The following STIM2 variants were observed in gnomAD, a reference collection of about 807,000 sequenced individuals.
STIM2 encodes the protein stromal interaction molecule 2.
Under a neutral mutation model 85.8 loss-of-function variants are expected in STIM2, and 31 were observed. The ratio of observed to expected loss-of-function variants is 0.36; its 90% CI spans 0.27 to 0.49. The LOEUF is 0.49. STIM2 is among the 20% of genes least tolerant of loss of function. The pLI is 0.98. For synonymous variants in STIM2, 356 were observed against 331.1 expected, an observed-to-expected ratio of 1.08 and a Z score of -0.82; for missense variants, 841 against 927.6, an observed-to-expected ratio of 0.91 and a Z score of 1.21.
chr4:26,954,796 C>T (rs904098784), intron 2 of STIM2, among the ~76,000 whole-genome samples: 1 of 147,924 alleles, frequency 6.8e-6, no homozygotes, highest in South Asian at 2.1e-4. Flanking sequence ...TTTCTAGTCA[C>T]ATTCCGTGAT....
chr4:26,987,621 G>A (rs1425097403), intron 3 of STIM2, among the ~76,000 whole-genome samples: 2 of 152,090 alleles, frequency 1.3e-5, no homozygotes, highest in Admixed American at 6.5e-5. Context: ...TTGAAATGTT[G>A]CCTTTCGAGC....
intron 11 of STIM2, chr4:27,020,912 G>T (rs1728886644): frequency 8.2e-7 from 1 of 1,224,110 alleles, no homozygotes; most frequent in African/African-American, 1.5e-5. Flanking sequence ...CTTCAGCTCT[G>T]TTCCCTTCTC....
intron 2 of STIM2, among the ~76,000 whole-genome samples, chr4:26,950,893 T>C (rs2109088406): frequency 6.6e-6 from 1 of 152,174 alleles, no homozygotes; most frequent in Admixed American, 6.5e-5. Context: ...CATTAGAAGC[T>C]TTCATAGGTT....
At chr4:27,019,454 T>C (rs1237012870) in intron 11 of STIM2, 1 of 1,289,816 alleles carries the variant, frequency 7.8e-7, no homozygotes, top group Admixed American at 2.3e-5. Flanking sequence ...TCTTGTGTGG[T>C]TTCTGGAAAT....
chr4:26,909,402 A>G (rs185510477), intron 1 of STIM2, among the ~76,000 whole-genome samples: 3 of 152,354 alleles, frequency 2.0e-5, no homozygotes, highest in Admixed American at 6.5e-5. Flanking sequence ...TTATATAGTA[A>G]GTGGCAGGGT....
intron 1 of STIM2, among the ~76,000 whole-genome samples, chr4:26,909,343 A>G (rs901102847): frequency 2.6e-5 from 4 of 152,232 alleles, no homozygotes; most frequent in African/African-American, 9.6e-5. Flanking sequence ...TATTATTTCC[A>G]TTCTACAGGT....
At chr4:26,941,734 G>T (rs1246702246) in intron 2 of STIM2, among the ~76,000 whole-genome samples, 2 of 151,448 alleles carry the variant, frequency 1.3e-5, no homozygotes, top group African/African-American at 4.9e-5. Flanking sequence ...ACCTTTTAAA[G>T]GTAAGTATCT....
intron 2 of STIM2, among the ~76,000 whole-genome samples, chr4:26,935,631 G>C (rs1725364965): frequency 6.6e-6 from 1 of 152,142 alleles, no homozygotes; most frequent in African/African-American, 2.4e-5. Flanking sequence ...CTTGGGGATG[G>C]GACCTAGCAA....
chr4:26,972,989 A>G (rs963392997), intron 3 of STIM2, among the ~76,000 whole-genome samples: 2 of 152,172 alleles, frequency 1.3e-5, no homozygotes, highest in Non-Finnish European at 2.9e-5. Flanking sequence ...GCATCCAGGA[A>G]TTTATCCATT....
intron 1 of STIM2, among the ~76,000 whole-genome samples, chr4:26,904,921 A>G (rs1412757359): frequency 1.3e-5 from 2 of 152,160 alleles, no homozygotes; most frequent in Non-Finnish European, 2.9e-5. Flanking sequence ...ATTGACATAT[A>G]GAAACTTGGA....
chr4:26,930,133 A>T (rs1192504205), intron 2 of STIM2, among the ~76,000 whole-genome samples: 1 of 152,148 alleles, frequency 6.6e-6, no homozygotes, highest in Non-Finnish European at 1.5e-5. Flanking sequence ...AGAATCTGTG[A>T]TCTGTTAAGA....
In STIM2 at chr4:26,992,892, G is replaced by A. The variant is rs77457584; in HGVS notation, c.398-2487G>A. On this transcript the variant is annotated intron_variant, in intron 3 of 11. Coordinates refer to ENST00000467087, the MANE Select transcript of STIM2 (RefSeq NM_020860.4). ...GTTAGATCTGTTGTTTTAAAGATTC[G>A]TTGTCAAGACCACTACAATTTTCAA... Among the ~76,000 whole-genome samples, 126 of 152,174 alleles carry A rather than the reference G, an allele frequency of 8.3e-4. 1 individual carries two copies. The East Asian group carries it at 0.024, about 29-fold the overall frequency.
chr4:26,870,873 CAGGTTATTAGT>C (rs1722587648), intron 1 of STIM2, among the ~76,000 whole-genome samples: 1 of 150,384 alleles, frequency 6.6e-6, no homozygotes. Context: ...TGTGGAGATG[CAGGTTATTAGT>C]AGGTTATTAG....
intron 2 of STIM2, among the ~76,000 whole-genome samples, chr4:26,940,110 GAAGTACTA>G (rs1218877768): frequency 6.6e-6 from 1 of 152,140 alleles, no homozygotes; most frequent in Admixed American, 6.5e-5. Flanking sequence ...GCAGAACAGG[GAAGTACTA>G]AAGCAAGCCC....
At chr4:27,017,680 A>G (rs751383620) in intron 10 of STIM2, 31 bp from the exon 11 acceptor site, 3 of 1,610,606 alleles carry the variant, frequency 1.9e-6, no homozygotes, top group Admixed American at 1.7e-5. Context: ...CCTGGACTTC[A>G]TGAGCATGTT....
chr4:26,930,413 A>G (rs1022025927), intron 2 of STIM2, among the ~76,000 whole-genome samples: 1 of 150,142 alleles, frequency 6.7e-6, no homozygotes, highest in African/African-American at 2.4e-5. Flanking sequence ...TCCTTGTTCT[A>G]GTTTTTCTTT....
chr4:27,007,807 A>G (rs1253860643), intron 8 of STIM2, 107 bp downstream of exon 8: 1 of 1,250,346 alleles, frequency 8.0e-7, no homozygotes, highest in African/African-American at 1.5e-5. Context: ...TTATTATTAC[A>G]GATTCTTTTT....
chr4:26,861,160 C>G lies in STIM2; in HGVS notation c.-59C>G, dbSNP rs75058604. On this transcript the variant is annotated 5_prime_UTR_variant, in exon 1 of 12. Transcript: ENST00000467087. ...CCGGCTTCTCCTCGGCGCCTTCATC[C>G]CGCCTCGACTCCTGGCCCAGCGTGG... 281,774 of 1,338,906 alleles carry G rather than the reference C, an allele frequency of 0.21. 30,387 individuals are homozygous for G. The highest frequency in any genetic ancestry group is 0.23 in the Admixed American group (7,614 of 32,588). The allele number at this position is 1,338,906 out of a possible 1,614,324, so 82.9% of individuals were successfully genotyped here.
intron 1 of STIM2, among the ~76,000 whole-genome samples, chr4:26,896,568 A>T (rs1419000074): frequency 6.6e-6 from 1 of 151,756 alleles, no homozygotes; most frequent in Non-Finnish European, 1.5e-5. Flanking sequence ...ATTTTGAACT[A>T]AGTGTATTCT....
Sources: gnomAD v4.1 joint callset for allele counts (sites outside exome capture counted in the v4.1 genomes callset) on GRCh38, gnomAD v4.1.1 for gene constraint, MANE v1.5 for transcripts, NCBI Gene and HGNC (gene_info 2026-07-23, HGNC 2026-07-21) for gene names.